Variants in LRRFIP1 observed in about 807,000 individuals in gnomAD.
LRRFIP1 encodes the protein LRR binding FLII interacting protein 1.
In LRRFIP1, 62 loss-of-function variants were observed where a neutral mutation model predicts 104.4. The ratio of observed to expected loss-of-function variants is 0.59; its 90% confidence interval spans 0.48 to 0.73. The LOEUF is 0.73. Among genes scored for constraint, LRRFIP1 ranks in the 30% least tolerant of loss-of-function variants. LRRFIP1 has a pLI of 0.00. For synonymous variants in LRRFIP1, 300 were observed against 299.0 expected (o/e 1.00, Z -0.03); for missense variants, 796 against 824.5 (o/e 0.97, Z 0.42).
chr2:237,769,657 G>C, intron 19 of LRRFIP1: 1 of 388,756 alleles, frequency 2.6e-6, no homozygotes. Flanking sequence ...GCGTGGTTTG[G>C]CCCTAGCGTT....
At chr2:237,720,535 A>G (rs1385962055) in intron 5 of LRRFIP1, among the ~76,000 whole-genome samples, 2 of 152,124 alleles carry the variant, frequency 1.3e-5, no homozygotes, top group Non-Finnish European at 2.9e-5. Flanking sequence ...CAGGCATGAC[A>G]CCACACCTGG....
intron 2 of LRRFIP1, among the ~76,000 whole-genome samples, chr2:237,712,649 G>A (rs531089512): frequency 6.6e-6 from 1 of 151,698 alleles, no homozygotes; most frequent in South Asian, 2.1e-4. Flanking sequence ...GTGCATGTGT[G>A]TGTGCATGTG....
rs558174854 is a variant in LRRFIP1, at chr2:237,645,444, C to T, written c.96+17704C>T. Among the ~76,000 whole-genome samples the T allele has an allele frequency of 2.7e-4, 40 of 148,758 alleles. No individual in the cohort carries two copies. In the South Asian group the frequency reaches 6.7e-3, roughly 25 times the overall value. On this transcript the variant is annotated intron_variant, in intron 1 of 23. Transcript: ENST00000308482. ...TGCTCACTGCTGGGGACATGGACTC[C>T]GACACCTTCCTACCCCTCACCGTTC... is the stretch of plus-strand genomic sequence containing the variant.
At chr2:237,645,559 C>A (rs932021810) in intron 1 of LRRFIP1, among the ~76,000 whole-genome samples, 2 of 151,954 alleles carry the variant, frequency 1.3e-5, no homozygotes, top group African/African-American at 2.4e-5. Flanking sequence ...CTCTGTACTC[C>A]GGACCCTGAC....
At chr2:237,733,847 G>A (rs377662280) in intron 9 of LRRFIP1, 29 bp downstream of exon 9, 34 of 1,562,244 alleles carry the variant, frequency 2.2e-5, no homozygotes, top group African/African-American at 1.2e-4. Context: ...CTGCTGCCCC[G>A]CACCCCCTCC....
intron 1 of LRRFIP1, among the ~76,000 whole-genome samples, chr2:237,688,456 CTTTTT>C (rs67002704): frequency 1.1e-5 from 1 of 90,156 alleles, no homozygotes. Context: ...TTTTTTTTTT[CTTTTT>C]TTTTTTTTTT....
intron 1 of LRRFIP1, among the ~76,000 whole-genome samples, chr2:237,679,474 A>G (rs915000247): frequency 1.3e-5 from 2 of 152,238 alleles, no homozygotes; most frequent in Admixed American, 1.3e-4. Flanking sequence ...TAACTACTGA[A>G]AGGGTGTAGA....
intron 1 of LRRFIP1, among the ~76,000 whole-genome samples, chr2:237,669,094 C>A (rs1307744876): frequency 6.6e-6 from 1 of 152,176 alleles, no homozygotes; most frequent in African/African-American, 2.4e-5. Context: ...TTTGAGGATG[C>A]ACCATCACGT....
chr2:237,696,781 AT>A (rs1456733921), intron 1 of LRRFIP1, among the ~76,000 whole-genome samples: 10 of 152,346 alleles, frequency 6.6e-5, no homozygotes, highest in Non-Finnish European at 1.5e-4. Context: ...AATGTGCAAG[AT>A]ATAGCTGTGG....
intron 2 of LRRFIP1, among the ~76,000 whole-genome samples, chr2:237,713,109 C>T (rs987730815): frequency 2.0e-5 from 3 of 151,842 alleles, no homozygotes; most frequent in South Asian, 2.1e-4. Flanking sequence ...GGAAGCTGAC[C>T]GGGGTTGGTA....
intron 1 of LRRFIP1, among the ~76,000 whole-genome samples, chr2:237,664,093 G>A (rs968343030): frequency 6.6e-6 from 1 of 151,666 alleles, no homozygotes; most frequent in African/African-American, 2.4e-5. Context: ...AGAGACCCAA[G>A]GGAGACCCGG....
At chr2:237,666,559 T>C (rs1186694076) in intron 1 of LRRFIP1, among the ~76,000 whole-genome samples, 1 of 124,646 alleles carries the variant, frequency 8.0e-6, no homozygotes, top group Non-Finnish European at 1.8e-5. Context: ...GCTCCTCTTC[T>C]TGGGTGTGGG....
intron 1 of LRRFIP1, chr2:237,692,271 A>G: frequency 8.6e-7 from 1 of 1,165,732 alleles, no homozygotes; most frequent in African/African-American, 1.6e-5. Flanking sequence ...GCCGCGCCCG[A>G]GCCCAGCGCC....
chr2:237,627,653 G>T lies in LRRFIP1; in HGVS notation c.9G>T (p.Met3Ile). ...TGCGGGCGACGCGGTCGATGGACAT[G>T]GGCACCCAGGGATCGGGGCGCAAGC... MD[M>I]GTQGSGRKRL... Residue 3 changes from methionine to isoleucine, a missense_variant, in exon 1 of 24, where the codon ATG becomes ATT. Coordinates refer to ENST00000308482, the MANE Select transcript of LRRFIP1 (RefSeq NM_001137550.2). The T allele has an allele frequency of 7.4e-7, 1 of 1,349,338 alleles. No individual in the cohort carries two copies. 83.6% of individuals were successfully genotyped at this position (1,349,338 alleles called of 1,614,324 possible). A position where few individuals can be genotyped will look rare whatever the true frequency, so the allele number is the denominator to read the frequency against.
chr2:237,666,560 T>G (rs537388074), intron 1 of LRRFIP1, among the ~76,000 whole-genome samples: 1 of 118,894 alleles, frequency 8.4e-6, no homozygotes. Flanking sequence ...CTCCTCTTCT[T>G]GGGTGTGGGG....
rs2059727426 is a variant in LRRFIP1, at chr2:237,760,323, A to G, written c.1459+118A>G. On this transcript the variant is annotated intron_variant, in intron 19 of 23. Coordinates refer to ENST00000308482, the MANE Select transcript of LRRFIP1 (RefSeq NM_001137550.2). ...ATGGGTTAACAGTCACCAGCATGCC[A>G]TTTGTTTCATCACTTCATGGTAATT... 4 of 1,149,410 alleles carry G rather than the reference A, an allele frequency of 3.5e-6. No homozygotes were observed. The South Asian group carries it at 6.4e-5, about 18-fold the overall frequency. 71.2% of individuals were successfully genotyped at this position (1,149,410 alleles called of 1,614,324 possible).
intron 1 of LRRFIP1, among the ~76,000 whole-genome samples, chr2:237,700,116 C>T (rs1187956874): frequency 6.6e-6 from 1 of 152,192 alleles, no homozygotes; most frequent in African/African-American, 2.4e-5. Context: ...ATCACCCGGC[C>T]CACTTGGTTG....
chr2:237,752,516 C>T (rs1163654920), intron 14 of LRRFIP1, among the ~76,000 whole-genome samples: 2 of 152,230 alleles, frequency 1.3e-5, no homozygotes, highest in African/African-American at 2.4e-5. Flanking sequence ...GCACTGGTCC[C>T]TCCAGCCCCC....
intron 8 of LRRFIP1, among the ~76,000 whole-genome samples, chr2:237,733,556 T>TA (rs2095109043): frequency 6.6e-6 from 1 of 152,240 alleles, no homozygotes; most frequent in African/African-American, 2.4e-5. Flanking sequence ...TTTACTGTTT[T>TA]AAAGTTAAAA....
Sources: allele counts gnomAD v4.1 joint callset (sites outside exome capture counted in the v4.1 genomes callset), GRCh38; gene constraint gnomAD v4.1.1; transcripts MANE v1.5; gene names NCBI Gene and HGNC (gene_info 2026-07-23, HGNC 2026-07-21).